The following ESRRG variants were observed in gnomAD, a reference collection of about 807,000 sequenced individuals.
ESRRG encodes the protein estrogen related receptor gamma, also known as estrogen-related receptor gamma.
Under a neutral mutation model 44.0 loss-of-function variants are expected in ESRRG, and 13 were observed. The ratio of observed to expected loss-of-function variants is 0.30; its 90% CI spans 0.19 to 0.47. The LOEUF (loss-of-function observed/expected upper bound fraction) is 0.47, where lower values mean the gene tolerates loss of function less well. Ranked by LOEUF, ESRRG falls within the 20% of genes least tolerant of loss-of-function variation. The pLI is 1.00. For missense variants in ESRRG, 395 were observed against 580.6 expected (o/e 0.68, Z 3.29); for synonymous variants, 215 against 214.6 (o/e 1.00, Z -0.02).
chr1:216,911,965 C>T (rs2060358680), intron 2 of ESRRG, among the ~76,000 whole-genome samples: 1 of 151,326 alleles, frequency 6.6e-6, no homozygotes, highest in South Asian at 2.1e-4. Context: ...GTCCCAGCTA[C>T]TCAGGAGGCT....
rs1005645356 is a variant in ESRRG at position 217,015,874 on chromosome 1, C to T, written c.-106+73633G>A. ...CCTCCTGAGTATCTGGGATTACAGG[C>T]GCATGCCACCACGCCCGGCTATTTT... On this transcript the variant is annotated intron_variant, in intron 1 of 7. Transcript: ENST00000359162. 5.3e-5 allele frequency among the ~76,000 whole-genome samples: 8 copies of T among 152,054 alleles called. No homozygotes were observed. In the South Asian group the frequency reaches 6.2e-4, roughly 12 times the overall value.
At chr1:216,724,071 T>C (rs1425719993), upstream of ESRRG, among the ~76,000 whole-genome samples, 1 of 152,210 alleles carries the variant, frequency 6.6e-6, no homozygotes, top group African/African-American at 2.4e-5. Context: ...TGTTTGAGCA[T>C]GTGAACTGGG....
chr1:216,551,849 G>T (rs900114510), intron 5 of ESRRG, among the ~76,000 whole-genome samples: 1 of 152,044 alleles, frequency 6.6e-6, no homozygotes, highest in Non-Finnish European at 1.5e-5. Context: ...TCCTTCTGTT[G>T]TCTTTACTAT....
At chr1:216,536,636 T>C (rs2051053751) in intron 5 of ESRRG, among the ~76,000 whole-genome samples, 1 of 152,056 alleles carries the variant, frequency 6.6e-6, no homozygotes, top group Non-Finnish European at 1.5e-5. Flanking sequence ...GAATCCTTCA[T>C]TGTCAGGGCC....
At chr1:216,775,110 C>A (rs2093553236) in intron 2 of ESRRG, among the ~76,000 whole-genome samples, 1 of 151,864 alleles carries the variant, frequency 6.6e-6, no homozygotes, top group Non-Finnish European at 1.5e-5. Context: ...TGCCCAGCCT[C>A]TTTTCTTAGT....
intron 1 of ESRRG, among the ~76,000 whole-genome samples, chr1:217,097,645 G>A (rs775237297): frequency 3.3e-5 from 5 of 151,958 alleles, no homozygotes; most frequent in African/African-American, 9.7e-5. Context: ...TTTAAGTATC[G>A]GGGTTATTGG....
chr1:217,127,656 C>A (rs1189294643), intron 1 of ESRRG, among the ~76,000 whole-genome samples: 1 of 152,244 alleles, frequency 6.6e-6, no homozygotes, highest in Admixed American at 6.5e-5. Flanking sequence ...AAACCCAGCT[C>A]TGCCACTCAT....
chr1:216,535,901 C>T (rs2050801499), intron 5 of ESRRG, among the ~76,000 whole-genome samples: 1 of 152,068 alleles, frequency 6.6e-6, no homozygotes, highest in African/African-American at 2.4e-5. Flanking sequence ...CACTTTTGCA[C>T]TAAATTCATC....
At chr1:216,658,590 G>A (rs1440760798) in intron 2 of ESRRG, among the ~76,000 whole-genome samples, 4 of 151,572 alleles carry the variant, frequency 2.6e-5, no homozygotes, top group Admixed American at 1.3e-4. Context: ...GAAGGCCGAG[G>A]CAGGTGGATC....
chr1:216,771,923 G>T (rs907858002), intron 2 of ESRRG, among the ~76,000 whole-genome samples: 9 of 151,406 alleles, frequency 5.9e-5, no homozygotes, highest in African/African-American at 1.7e-4. Context: ...TTATTCAGGG[G>T]CCTGAGTTCT....
chr1:216,561,918 T>A (rs2058819911), intron 5 of ESRRG, among the ~76,000 whole-genome samples: 1 of 152,150 alleles, frequency 6.6e-6, no homozygotes. Flanking sequence ...GAACCCATAA[T>A]CGTATAGTAA....
At chr1:216,734,578 C>T (rs1382907326) in intron 2 of ESRRG, among the ~76,000 whole-genome samples, 4 of 152,174 alleles carry the variant, frequency 2.6e-5, no homozygotes, top group African/African-American at 9.7e-5. Flanking sequence ...CTTCCTGGAG[C>T]TTCACCAGAA....
intron 1 of ESRRG, among the ~76,000 whole-genome samples, chr1:217,074,445 C>CG (rs1248821234): frequency 1.9e-5 from 1 of 53,466 alleles, no homozygotes; most frequent in Non-Finnish European, 6.8e-5. Context: ...CAGAAATCCA[C>CG]CCCCCCCAAA....
Position 217,048,496 on chromosome 1 carries a change from G to A in ESRRG, c.-106+41011C>T, listed in dbSNP as rs193237743. 3.1e-3 allele frequency among the ~76,000 whole-genome samples: 472 copies of A among 152,214 alleles called. 1 individual carries two copies. Among genetic ancestry groups the A allele is most frequent in the Middle Eastern group, 0.014 (4 of 294 alleles). Reference sequence around the variant, plus strand: ...AGGGCTGCATGACCAGGCCAACAACGAGGGTGCTATTCCTGCAGAGGGCAG... The same window carrying A: ...AGGGCTGCATGACCAGGCCAACAACAAGGGTGCTATTCCTGCAGAGGGCAG... On this transcript the variant is annotated intron_variant, in intron 1 of 7. Transcript: ENST00000359162.
chr1:216,911,797 T>A (rs2060331945), intron 2 of ESRRG, among the ~76,000 whole-genome samples: 1 of 152,002 alleles, frequency 6.6e-6, no homozygotes, highest in Non-Finnish European at 1.5e-5. Context: ...AGGCTGGGTG[T>A]GGCGGCATAT....
intron 6 of ESRRG, among the ~76,000 whole-genome samples, chr1:216,518,026 C>T (rs2044881037): frequency 6.6e-6 from 1 of 152,108 alleles, no homozygotes; most frequent in Admixed American, 6.6e-5. Flanking sequence ...AAAATTATTT[C>T]TAAAAACAGT....
intron 2 of ESRRG, among the ~76,000 whole-genome samples, chr1:216,934,169 C>A (rs531527449): frequency 1.5e-3 from 236 of 152,296 alleles, no homozygotes; most frequent in African/African-American, 3.0e-3. Context: ...GGTGGTGGCT[C>A]ACGCCTGTAA....
At chr1:216,993,040 C>G (rs2075941962) in intron 1 of ESRRG, among the ~76,000 whole-genome samples, 1 of 152,166 alleles carries the variant, frequency 6.6e-6, no homozygotes, top group African/African-American at 2.4e-5. Context: ...TTAGCTCTAC[C>G]AACCCGAATG....
chr1:216,741,188 TATTTATATTTATAATTTATATA>T (rs2090652619), intron 2 of ESRRG, among the ~76,000 whole-genome samples: 1 of 146,920 alleles, frequency 6.8e-6, no homozygotes, highest in East Asian at 1.9e-4. Context: ...ATTTATATTA[TATTTATATTTATAATTTATATA>T]ATTTATATTA....
Sources: gnomAD v4.1 joint callset for allele counts (sites outside exome capture counted in the v4.1 genomes callset) on GRCh38, gnomAD v4.1.1 for gene constraint, MANE v1.5 for transcripts, NCBI Gene and HGNC (gene_info 2026-07-23, HGNC 2026-07-21) for gene names.